Variants in NBEAL2 observed in about 807,000 individuals in gnomAD.
NBEAL2 encodes neurobeachin-like protein 2.
NBEAL2 carries 160 observed loss-of-function variants against 299.8 expected under a neutral mutation model. The ratio of observed to expected loss-of-function variants is 0.53; its 90% CI spans 0.47 to 0.61. The LOEUF is 0.61. Ranked by LOEUF, NBEAL2 falls within the 20% of genes least tolerant of loss-of-function variation. The pLI is 0.00. For missense variants in NBEAL2, 3,112 were observed against 3,649.0 expected (o/e 0.85, Z 3.79); for synonymous variants, 1,493 against 1,542.3 (o/e 0.97, Z 0.75).
Position 47,003,756 on chromosome 3 carries a change from T to C in NBEAL2, c.5721-60T>C, listed in dbSNP as rs2037207053. The C allele has an allele frequency of 2.0e-5, 31 of 1,513,434 alleles. No homozygotes were observed. In the South Asian group the frequency reaches 3.4e-4, roughly 16 times the overall value. The allele number at this position is 1,513,434 out of a possible 1,614,324, so 93.8% of individuals were successfully genotyped here. ...GACTCAATGGCACTTGGATGCCCTT[T>C]GGGCTTGTGAAGAAGGGGGTCCCAG... On this transcript the variant is annotated intron_variant, in intron 35 of 53. Coordinates refer to ENST00000450053, the MANE Select transcript of NBEAL2 (RefSeq NM_015175.3). The surrounding 1 kb of genome is among the most constrained non-coding windows in gnomAD (Gnocchi z 7.0).
Position 46,992,532 on chromosome 3 carries a change from C to A in NBEAL2, c.1090C>A (p.Leu364Met). The A allele has an allele frequency of 6.2e-7, 1 of 1,601,546 alleles. No individual in the cohort carries two copies. The highest frequency in any genetic ancestry group is 8.5e-7 in the Non-Finnish European group (1 of 1,174,478). The stretch of plus-strand genomic sequence containing the variant: ...GGACAGTGACCTGGCTACCCGGTTA[C>A]TGACTGAGCCCGATGTCCAAAAGGT... ...EGDSDLATRLLTEPDVQKVLD... is the reference protein window; with the variant it reads ...EGDSDLATRLMTEPDVQKVLD... Residue 364 changes from leucine (L) to methionine (M), a missense_variant, in exon 10 of 54, where the codon CTG (leucine) becomes ATG (methionine). Transcript: ENST00000450053.
intron 12 of NBEAL2, 136 bp downstream of exon 12, chr3:46,994,689 T>G (rs1415359735): frequency 2.6e-6 from 2 of 766,786 alleles, no homozygotes; most frequent in East Asian, 5.4e-5. Context: ...AGCCTGGCCA[T>G]GTCTGTTAGT....
intron 1 of NBEAL2, among the ~76,000 whole-genome samples, chr3:46,986,016 AGCCATGGGGCCTAG>A (rs1282248773): frequency 6.6e-6 from 1 of 152,176 alleles, no homozygotes; most frequent in East Asian, 1.9e-4. Context: ...TGCAGTCTCA[AGCCATGGGGCCTAG>A]GTCAGAGTTG....
Position 46,999,938 on chromosome 3 carries a change from G to T in NBEAL2, c.3839G>T (p.Arg1280Leu), listed in dbSNP as rs200589995. The T allele has an allele frequency of 1.9e-6, 3 of 1,611,530 alleles. No individual in the cohort carries two copies. The highest frequency in any genetic ancestry group is 2.5e-6 in the Non-Finnish European group (3 of 1,179,194). The change falls in exon 27 of 54, where the codon CGA becomes CTA. Residue 1280 changes from arginine (R) to leucine (L), a missense_variant. Physicochemically the swap from Arg to Leu is moderately radical, Grantham distance 102. Transcript: ENST00000450053. Reference protein sequence around the residue: ...GQPDVVRLLARQAGWQDVLTR... With the variant: ...GQPDVVRLLALQAGWQDVLTR... The stretch of plus-strand genomic sequence containing the variant: ...CCAGATGTAGTGCGGCTTCTGGCCC[G>T]ACAGGCTGGCTGGCAAGATGTGCTG...
At position 47,008,424 on chromosome 3, in the gene NBEAL2, G is replaced by T; in HGVS notation, c.7861G>T (p.Glu2621Ter). ...GATTGTGGTACAGAGCTCAGCGTGG[G>T]AACGTCCTGGGGCCCAGGTATGGGG... ...GQIVVQSSAW[E>*]RPGAQVTYSL... Residue 2621 changes from glutamate to a stop codon, truncating the protein, a stop_gained, in exon 51 of 54, where the codon GAA becomes TAA. Coordinates refer to ENST00000450053, the MANE Select transcript of NBEAL2 (RefSeq NM_015175.3). LOFTEE classifies it high-confidence loss of function. The T allele has an allele frequency of 6.2e-7, 1 of 1,613,142 alleles. No homozygotes were observed. Among genetic ancestry groups the T allele is most frequent in the Non-Finnish European group, 8.5e-7 (1 of 1,179,204 alleles).
In NBEAL2 at chr3:46,979,715, C is replaced by T; in HGVS notation, c.-147C>T. The T allele has an allele frequency of 3.2e-6, 1 of 308,644 alleles. No individual in the cohort carries two copies. 19.1% of individuals were successfully genotyped at this position (308,644 alleles called of 1,614,324 possible). A position where few individuals can be genotyped will look rare whatever the true frequency, so the allele number is the denominator to read the frequency against. On this transcript the variant is annotated 5_prime_UTR_variant, in exon 1 of 54. Coordinates refer to ENST00000450053, the MANE Select transcript of NBEAL2 (RefSeq NM_015175.3). ...TTGGGTGGCTCTGCGCCGCGGAGGC[C>T]ACAGCCGCAGACTTCCCCAGTAGTA...
chr3:46,988,540 C>T lies in NBEAL2; in HGVS notation c.52-129C>T, dbSNP rs1376035762. 1.4e-6 allele frequency: 1 copy of T among 720,150 alleles called. No individual in the cohort carries two copies. Among genetic ancestry groups the T allele is most frequent in the African/African-American group, 1.7e-5 (1 of 57,398 alleles). The allele number at this position is 720,150 out of a possible 1,614,324, so 44.6% of individuals were successfully genotyped here. A position where few individuals can be genotyped will look rare whatever the true frequency, so the allele number is the denominator to read the frequency against. On this transcript the variant is annotated intron_variant, in intron 1 of 53. Transcript: ENST00000450053. This position sits in a 1 kb window ranked among gnomAD's most constrained non-coding sequence, Gnocchi z 4.4. ...CCCTTCTCCACACCCTCCACTCTGCCTTTAACCCCTTGTCCATGCCCTCTG... is the reference window on the plus strand; with the variant it reads ...CCCTTCTCCACACCCTCCACTCTGCTTTTAACCCCTTGTCCATGCCCTCTG...
chr3:46,992,270 C>A (rs568501221), intron 9 of NBEAL2, among the ~76,000 whole-genome samples: 1 of 152,314 alleles, frequency 6.6e-6, no homozygotes, highest in South Asian at 2.1e-4. Flanking sequence ...GGCACCACTG[C>A]TTTCAGATGC....
chr3:46,993,873 C>A, intron 10 of NBEAL2, 64 bp from the exon 11 acceptor site: 1 of 1,446,040 alleles, frequency 6.9e-7, no homozygotes. Flanking sequence ...TTTTTTACTG[C>A]AGGGGGCTGC....
At chr3:46,980,391 A>T (rs567293975) in intron 1 of NBEAL2, among the ~76,000 whole-genome samples, 1 of 152,070 alleles carries the variant, frequency 6.6e-6, no homozygotes, top group African/African-American at 2.4e-5. Context: ...CAAGGTAGGG[A>T]GGTGTGTGGA....
chr3:46,991,519 G>A lies in NBEAL2; in HGVS notation c.756G>A (p.Glu252=), dbSNP rs776241549. 19 of 1,610,526 alleles carry A rather than the reference G, an allele frequency of 1.2e-5. 1 individual carries two copies. The highest frequency in any genetic ancestry group is 1.6e-5 in the Non-Finnish European group (19 of 1,179,878). ...CGTGCCTAGTGCCACTGGCTCTAGA[G>A]GCACTGGTAGGTGCAGTCCATGTCT... is the stretch of plus-strand genomic sequence containing the variant. ...PDPCLVPLAL[E]ALVGAVHVLH... is the part of the protein sequence containing the mutation. Residue 252 remains glutamate, a synonymous_variant, in exon 8 of 54, where the codon GAG becomes GAA. Coordinates refer to ENST00000450053, the MANE Select transcript of NBEAL2 (RefSeq NM_015175.3). The surrounding 1 kb of genome is among the most constrained non-coding windows in gnomAD (Gnocchi z 6.2).
In NBEAL2 at chr3:47,007,254, C is replaced by T. The variant is rs545640878; in HGVS notation, c.7238C>T (p.Ala2413Val). ...TCCTGCCTGCAGGTGACTGTGAGTG[C>T]CAGTGGGCTGCTGGGCACCCACAGC... ...GSPDLLVTVS[A>V]SGLLGTHSWL... is the part of the protein sequence containing the mutation. The change falls in exon 47 of 54, where the codon GCC becomes GTC. Residue 2413 changes from alanine (A) to valine (V), a missense_variant. Coordinates refer to ENST00000450053, the MANE Select transcript of NBEAL2 (RefSeq NM_015175.3). 13 of 1,612,270 alleles carry T rather than the reference C, an allele frequency of 8.1e-6. No individual in the cohort carries two copies. In the South Asian group the frequency reaches 1.4e-4, roughly 18 times the overall value.
chr3:46,983,860 T>C (rs2035515716), intron 1 of NBEAL2, among the ~76,000 whole-genome samples: 1 of 152,072 alleles, frequency 6.6e-6, no homozygotes, highest in African/African-American at 2.4e-5. Flanking sequence ...TCAGTTACCA[T>C]GGGGTCTATG....
At position 47,001,597 on chromosome 3, in the gene NBEAL2, C is replaced by T; in HGVS notation, c.4645-92C>T. On this transcript the variant is annotated intron_variant, in intron 29 of 53. Transcript: ENST00000450053. This position sits in a 1 kb window ranked among gnomAD's most constrained non-coding sequence, Gnocchi z 6.1. ...ACTTGCCTGTGTGCACAAACCCTAC[C>T]TGGCCCCCAGCGCAAACTTTACTTT... 1 of 1,579,980 alleles carries T rather than the reference C, an allele frequency of 6.3e-7. No individual in the cohort carries two copies. Among genetic ancestry groups the T allele is most frequent in the South Asian group, 1.1e-5 (1 of 88,652 alleles).
At chr3:46,987,986 G>T (rs573798251) in intron 1 of NBEAL2, 1 of 1,275,400 alleles carries the variant, frequency 7.8e-7, no homozygotes, top group East Asian at 6.3e-5. Context: ...GACATTTCCC[G>T]TTCACACCAA....
chr3:47,002,886 G>A (rs756936756), intron 33 of NBEAL2, 71 bp from the exon 34 acceptor site: 1 of 1,583,894 alleles, frequency 6.3e-7, no homozygotes, highest in Non-Finnish European at 8.6e-7. Flanking sequence ...ACTGCCTTTG[G>A]GGTGAGGCCA....
At chr3:46,998,901 G>A (rs776918052) in intron 23 of NBEAL2, 22 bp downstream of exon 23, 115 of 1,596,532 alleles carry the variant, frequency 7.2e-5, no homozygotes, top group Non-Finnish European at 8.6e-5. Flanking sequence ...GTTGGGGAGC[G>A]GGAGGCTTGG....
rs1437795943 is a variant in NBEAL2 at position 47,004,960 on chromosome 3, G to A, written c.6295-12G>A. 1 of 1,601,304 alleles carries A rather than the reference G, an allele frequency of 6.2e-7. No individual in the cohort carries two copies. Among genetic ancestry groups the A allele is most frequent in the Non-Finnish European group, 8.5e-7 (1 of 1,174,334 alleles). ...GGGCCCTCATGCAGCCCCTGCTCGGGTGGGTGGCCAGTTCCCCTGGGTCCT... is the reference window on the plus strand; with the variant it reads ...GGGCCCTCATGCAGCCCCTGCTCGGATGGGTGGCCAGTTCCCCTGGGTCCT... On this transcript the variant is annotated splice_polypyrimidine_tract_variant and intron_variant, in intron 38 of 53. Transcript: ENST00000450053. This position sits in a 1 kb window ranked among gnomAD's most constrained non-coding sequence, Gnocchi z 5.0.
chr3:47,000,928 G>T lies in NBEAL2; in HGVS notation c.4306-73G>T, dbSNP rs887568001. On this transcript the variant is annotated intron_variant, in intron 27 of 53. Coordinates refer to ENST00000450053, the MANE Select transcript of NBEAL2 (RefSeq NM_015175.3). This position sits in a 1 kb window ranked among gnomAD's most constrained non-coding sequence, Gnocchi z 4.5. ...CCCAGGAGGGGTGCTGAGTGGGGAT[G>T]GGTGGGCGTCAGCCTGATTCCCTCC... The T allele has an allele frequency of 4.5e-6, 7 of 1,542,090 alleles. No individual in the cohort carries two copies. In the African/African-American group the frequency reaches 8.2e-5, roughly 18 times the overall value.
Sources: gnomAD v4.1 joint callset for allele counts (sites outside exome capture counted in the v4.1 genomes callset) on GRCh38, gnomAD v4.1.1 for gene constraint, Gnocchi (gnomAD v3.1) non-coding constraint, MANE v1.5 for transcripts, NCBI Gene and HGNC (gene_info 2026-07-23, HGNC 2026-07-21) for gene names.